The following RAPH1 variants were observed in gnomAD, a reference collection of about 807,000 sequenced individuals.
The protein encoded by RAPH1 is ras-associated and pleckstrin homology domains-containing protein 1.
RAPH1 carries 18 observed loss-of-function variants against 88.1 expected under a neutral mutation model. That is an observed-to-expected ratio of 0.20 (90% CI 0.14 to 0.30). The LOEUF is 0.30. Ranked by LOEUF, RAPH1 falls within the 10% of genes least tolerant of loss-of-function variation. RAPH1 has a pLI of 1.00. For missense variants in RAPH1, 1,448 were observed against 1,543.2 expected (o/e 0.94, Z 1.03); for synonymous variants, 587 against 559.0 (o/e 1.05, Z -0.71).
chr2:203,509,675 T>C (rs888025988), intron 1 of RAPH1, among the ~76,000 whole-genome samples: 2 of 152,290 alleles, frequency 1.3e-5, no homozygotes, highest in East Asian at 1.9e-4. Context: ...CCCACTGATA[T>C]AGTTTGGATG....
chr2:203,490,103 C>T lies in RAPH1; in HGVS notation c.227-14G>A, dbSNP rs373094601. ...GATTCAGAGCTTCTGCAATGAACAA[C>T]ACATAATGTTTCCAGAATTTATACA... On this transcript the variant is annotated splice_polypyrimidine_tract_variant and intron_variant, in intron 3 of 13. Transcript: ENST00000319170. 3.8e-6 allele frequency: 6 copies of T among 1,564,306 alleles called. No homozygotes were observed. Among genetic ancestry groups the T allele is most frequent in the Admixed American group, 2.0e-5 (1 of 49,916 alleles).
At chr2:203,464,730 AT>A (rs1559464452) in intron 4 of RAPH1, among the ~76,000 whole-genome samples, 1 of 152,244 alleles carries the variant, frequency 6.6e-6, no homozygotes, top group Non-Finnish European at 1.5e-5. Flanking sequence ...GGGAGAAAAA[AT>A]ATTTGCAAAA....
At chr2:203,487,821 T>G (rs1056018436) in intron 4 of RAPH1, among the ~76,000 whole-genome samples, 1 of 152,198 alleles carries the variant, frequency 6.6e-6, no homozygotes, top group Admixed American at 6.5e-5. Context: ...CAAACCACCA[T>G]GATTCATACT....
chr2:203,481,184 C>T (rs768638948), intron 4 of RAPH1, among the ~76,000 whole-genome samples: 4 of 152,038 alleles, frequency 2.6e-5, no homozygotes, highest in South Asian at 4.2e-4. Flanking sequence ...TATCTAGGTC[C>T]GGCTCTGAGA....
chr2:203,505,927 C>A (rs1688971511), intron 1 of RAPH1, among the ~76,000 whole-genome samples: 2 of 152,176 alleles, frequency 1.3e-5, no homozygotes, highest in African/African-American at 4.8e-5. Flanking sequence ...GTTATTTTTG[C>A]AGACAGCTGA....
intron 4 of RAPH1, chr2:203,470,346 AG>A: frequency 6.9e-7 from 1 of 1,451,088 alleles, no homozygotes; most frequent in South Asian, 1.2e-5. Flanking sequence ...AAACAAAAAA[AG>A]GCAATAACAG....
intron 1 of RAPH1, among the ~76,000 whole-genome samples, chr2:203,498,749 C>T (rs183361123): frequency 2.4e-4 from 37 of 152,028 alleles, no homozygotes; most frequent in Non-Finnish European, 4.7e-4. Flanking sequence ...TAAAACAACA[C>T]GAAAATAACA....
At chr2:203,523,589 A>C (rs1689990095) in intron 1 of RAPH1, among the ~76,000 whole-genome samples, 1 of 152,188 alleles carries the variant, frequency 6.6e-6, no homozygotes. Flanking sequence ...ATGGAAATAT[A>C]CTTTCTGAAC....
intron 4 of RAPH1, among the ~76,000 whole-genome samples, chr2:203,478,382 T>C (rs759652394): frequency 2.0e-5 from 3 of 152,262 alleles, no homozygotes; most frequent in Middle Eastern, 3.4e-3. Flanking sequence ...TTTTCCATCA[T>C]AGTTCCTACC....
chr2:203,470,754 A>G (rs1348052847), intron 4 of RAPH1, among the ~76,000 whole-genome samples: 1 of 152,252 alleles, frequency 6.6e-6, no homozygotes, highest in Non-Finnish European at 1.5e-5. Flanking sequence ...ATAAGACGAC[A>G]TCATTTTTAA....
At chr2:203,477,656 T>C (rs1023709450) in intron 4 of RAPH1, among the ~76,000 whole-genome samples, 1 of 152,200 alleles carries the variant, frequency 6.6e-6, no homozygotes, top group Non-Finnish European at 1.5e-5. Context: ...TACCTTGTAA[T>C]TATACCCATA....
chr2:203,504,275 A>G (rs1240927175), intron 1 of RAPH1, among the ~76,000 whole-genome samples: 2 of 152,202 alleles, frequency 1.3e-5, no homozygotes, highest in Admixed American at 6.5e-5. Flanking sequence ...CTAGGCATCC[A>G]GGTGTTTCTA....
At position 203,440,445 on chromosome 2, in the gene RAPH1, G is replaced by A; in HGVS notation, c.2745C>T (p.Asp915=). The A allele has an allele frequency of 6.5e-7, 1 of 1,544,346 alleles. No individual in the cohort carries two copies. The highest frequency in any genetic ancestry group is 2.3e-5 in the East Asian group (1 of 44,390). ...QPSSIPVPSP[D]FPPPPPESSL... ...TGCTTTCAGGAGGGGGAGGAGGGAA[G>A]TCCGGAGAAGGGACTGGGATGGAGC... Residue 915 remains aspartate (D), a synonymous_variant, in exon 14 of 14, where the codon GAC becomes GAT. Coordinates refer to ENST00000319170, the MANE Select transcript of RAPH1 (RefSeq NM_213589.3).
At chr2:203,460,501 G>A (rs2098523419) in intron 6 of RAPH1, among the ~76,000 whole-genome samples, 1 of 151,924 alleles carries the variant, frequency 6.6e-6, no homozygotes, top group Admixed American at 6.6e-5. Flanking sequence ...CCTGTATACT[G>A]AACATATGTT....
intron 4 of RAPH1, among the ~76,000 whole-genome samples, chr2:203,480,959 T>C (rs1687694175): frequency 2.0e-5 from 3 of 152,302 alleles, no homozygotes; most frequent in Middle Eastern, 3.4e-3. Flanking sequence ...TCTTCAAAGG[T>C]TGGTATAAAA....
intron 1 of RAPH1, among the ~76,000 whole-genome samples, chr2:203,527,848 C>G (rs1044098672): frequency 4.0e-5 from 6 of 148,536 alleles, no homozygotes; most frequent in Admixed American, 1.3e-4. Flanking sequence ...ATTATATAAT[C>G]CTTCATGAAG....
intron 1 of RAPH1, among the ~76,000 whole-genome samples, chr2:203,519,388 AT>A (rs987943712): frequency 9.2e-5 from 14 of 152,224 alleles, no homozygotes; most frequent in African/African-American, 2.6e-4. Context: ...GGCTAAAAAA[AT>A]TTTTTTTAAT....
chr2:203,454,399 T>C, intron 10 of RAPH1, 31 bp downstream of exon 10: 2 of 1,451,910 alleles, frequency 1.4e-6, no homozygotes, highest in Non-Finnish European at 1.9e-6. Flanking sequence ...CTAACATCAA[T>C]TAAAATTCCT....
At chr2:203,481,961 C>A (rs1687749280) in intron 4 of RAPH1, among the ~76,000 whole-genome samples, 1 of 151,142 alleles carries the variant, frequency 6.6e-6, no homozygotes, top group African/African-American at 2.4e-5. Flanking sequence ...CTCCACAAAC[C>A]CAAAACAAAA....
Sources: allele counts gnomAD v4.1 joint callset (sites outside exome capture counted in the v4.1 genomes callset), GRCh38; gene constraint gnomAD v4.1.1; transcripts MANE v1.5; gene names NCBI Gene and HGNC (gene_info 2026-07-23, HGNC 2026-07-21).